ARHGEF26: variants seen among roughly 807,000 people sequenced by gnomAD.
ARHGEF26 encodes the protein Rho guanine nucleotide exchange factor (GEF) 26.
In ARHGEF26, 59 loss-of-function variants were observed where a neutral mutation model predicts 89.4. The ratio of observed to expected loss-of-function variants is 0.66; its 90% CI spans 0.54 to 0.82. The LOEUF (loss-of-function observed/expected upper bound fraction) is 0.82, where lower values mean the gene tolerates loss of function less well. Ranked by LOEUF, ARHGEF26 falls within the 40% of genes least tolerant of loss-of-function variation. ARHGEF26 has a pLI of 0.00. For missense variants in ARHGEF26, 1,234 were observed against 1,085.6 expected, an observed-to-expected ratio of 1.14 and a Z score of -1.92; for synonymous variants, 500 against 428.4, an observed-to-expected ratio of 1.17 and a Z score of -2.06.
chr3:154,225,436 A>T (rs1245566848), intron 10 of ARHGEF26, among the ~76,000 whole-genome samples: 1 of 152,104 alleles, frequency 6.6e-6, no homozygotes, highest in Non-Finnish European at 1.5e-5. Context: ...GTTAACCTAT[A>T]GTTGTGTTTT....
chr3:154,123,385 G>A (rs1040138791), intron 2 of ARHGEF26, among the ~76,000 whole-genome samples: 2 of 152,172 alleles, frequency 1.3e-5, no homozygotes, highest in African/African-American at 2.4e-5. Flanking sequence ...ACTTTTAAAA[G>A]AGATAGCTGA....
At chr3:154,125,387 T>G (rs189655445) in intron 3 of ARHGEF26, among the ~76,000 whole-genome samples, 4 of 152,182 alleles carry the variant, frequency 2.6e-5, no homozygotes, top group African/African-American at 9.7e-5. Context: ...AATCCAGATA[T>G]AGTATTTAGC....
chr3:154,201,150 C>G (rs1714606406), intron 9 of ARHGEF26, among the ~76,000 whole-genome samples: 1 of 148,234 alleles, frequency 6.7e-6, no homozygotes. Context: ...CTATCCCTGC[C>G]CCCTCCCCCG....
intron 13 of ARHGEF26, among the ~76,000 whole-genome samples, chr3:154,254,480 G>C (rs145315601): frequency 2.6e-5 from 4 of 152,188 alleles, no homozygotes; most frequent in Admixed American, 1.3e-4. Flanking sequence ...TGATCAACCT[G>C]TTATTGAGGG....
Position 154,256,973 on chromosome 3 carries a change from G to A in ARHGEF26, c.*1500G>A. On this transcript the variant is annotated 3_prime_UTR_variant, in exon 15 of 15. Coordinates refer to ENST00000465093, the MANE Select transcript of ARHGEF26 (RefSeq NM_015595.4). ...TTACTGGCAGCTATATTCCCTCTCT[G>A]TTCTATTTGCTTTAACAAAGGGATA... 1 of 1,525,822 alleles carries A rather than the reference G, an allele frequency of 6.6e-7. No individual in the cohort carries two copies. Among genetic ancestry groups the A allele is most frequent in the Admixed American group, 2.0e-5 (1 of 49,412 alleles). The allele number at this position is 1,525,822 out of a possible 1,614,324, so 94.5% of individuals were successfully genotyped here. A position where few individuals can be genotyped will look rare whatever the true frequency, so the allele number is the denominator to read the frequency against.
chr3:154,216,500 T>TA (rs1715746643), intron 9 of ARHGEF26, among the ~76,000 whole-genome samples: 3 of 29,196 alleles, frequency 1.0e-4, no homozygotes, highest in African/African-American at 5.2e-4. Flanking sequence ...TTATTTTTTT[T>TA]TATTTTTTAT....
intron 6 of ARHGEF26, among the ~76,000 whole-genome samples, chr3:154,181,051 C>T (rs866434297): frequency 2.0e-5 from 3 of 152,100 alleles, no homozygotes. Context: ...AGTGGCGGTG[C>T]GCTTGCCATG....
chr3:154,216,514 TTTTTTATGTCTATACAAAATATTTA>T (rs1715756846), intron 9 of ARHGEF26, among the ~76,000 whole-genome samples: 5 of 147,038 alleles, frequency 3.4e-5, no homozygotes, highest in Admixed American at 1.4e-4. Context: ...TTTTTATTTT[TTTTTTATGTCTATACAAAATATTTA>T]TTTTTTTATT....
intron 6 of ARHGEF26, among the ~76,000 whole-genome samples, chr3:154,183,916 A>G (rs985665127): frequency 2.0e-5 from 3 of 152,038 alleles, no homozygotes; most frequent in African/African-American, 7.2e-5. Flanking sequence ...TACTTGCCTC[A>G]AGATATTTAT....
intron 6 of ARHGEF26, among the ~76,000 whole-genome samples, chr3:154,179,903 C>A (rs142492920): frequency 6.6e-6 from 1 of 152,244 alleles, no homozygotes; most frequent in Non-Finnish European, 1.5e-5. Flanking sequence ...TATTCTTTTT[C>A]AATTCTGAAG....
chr3:154,157,840 A>G (rs41394147), intron 6 of ARHGEF26, among the ~76,000 whole-genome samples: 9,542 of 152,096 alleles, frequency 0.063, 855 homozygotes, highest in African/African-American at 0.19. Context: ...GGAACATGAG[A>G]GTAAGGTATT....
chr3:154,139,445 A>G (rs951117562), intron 4 of ARHGEF26, among the ~76,000 whole-genome samples: 34 of 152,336 alleles, frequency 2.2e-4, no homozygotes, highest in African/African-American at 7.5e-4. Flanking sequence ...TGGAAGGGAT[A>G]CATTCAAGAA....
intron 7 of ARHGEF26, among the ~76,000 whole-genome samples, chr3:154,189,852 C>A (rs1281656167): frequency 6.7e-6 from 1 of 148,452 alleles, no homozygotes; most frequent in African/African-American, 2.5e-5. Context: ...TTTTAACTTT[C>A]TAAAAATCTT....
chr3:154,183,178 G>A (rs1257599207), intron 6 of ARHGEF26, among the ~76,000 whole-genome samples: 2 of 152,156 alleles, frequency 1.3e-5, no homozygotes. Flanking sequence ...GCTTGTGATG[G>A]TGAGTTAACA....
At chr3:154,230,159 T>A (rs1716743963) in intron 11 of ARHGEF26, among the ~76,000 whole-genome samples, 1 of 152,174 alleles carries the variant, frequency 6.6e-6, no homozygotes, top group South Asian at 2.1e-4. Flanking sequence ...AAATTTTCCT[T>A]CCTGTATTTG....
intron 11 of ARHGEF26, among the ~76,000 whole-genome samples, chr3:154,238,437 C>G (rs1261834837): frequency 1.3e-5 from 2 of 152,108 alleles, no homozygotes; most frequent in African/African-American, 4.8e-5. Flanking sequence ...CAGAATCTAT[C>G]AAACCAAATT....
At chr3:154,149,943 G>A (rs889967507) in intron 5 of ARHGEF26, among the ~76,000 whole-genome samples, 1 of 148,540 alleles carries the variant, frequency 6.7e-6, no homozygotes, top group Admixed American at 6.8e-5. Flanking sequence ...AAAAAAACAG[G>A]TTAATAATGC....
chr3:154,192,200 G>T (rs1039439002), intron 8 of ARHGEF26, among the ~76,000 whole-genome samples: 1 of 152,132 alleles, frequency 6.6e-6, no homozygotes, highest in African/African-American at 2.4e-5. Flanking sequence ...ATTTTGTTAT[G>T]ATTTTCCTAC....
At chr3:154,160,593 G>T (rs1210879716) in intron 6 of ARHGEF26, among the ~76,000 whole-genome samples, 1 of 152,284 alleles carries the variant, frequency 6.6e-6, no homozygotes, top group South Asian at 2.1e-4. Context: ...ATGCAGGAAA[G>T]TTTAAATCTA....
Sources: allele counts gnomAD v4.1 joint callset (sites outside exome capture counted in the v4.1 genomes callset), GRCh38; gene constraint gnomAD v4.1.1; transcripts MANE v1.5; gene names NCBI Gene and HGNC (gene_info 2026-07-23, HGNC 2026-07-21).